HPRT1: variants seen among roughly 807,000 people sequenced by gnomAD.
HPRT1 encodes the protein hypoxanthine-guanine phosphoribosyltransferase.
In HPRT1, 4 loss-of-function variants were observed where a neutral mutation model predicts 19.0. That is an observed-to-expected ratio of 0.21 (90% CI 0.10 to 0.48). The LOEUF is 0.48. Among genes scored for constraint, HPRT1 ranks in the 20% least tolerant of loss-of-function variants. The probability of loss-of-function intolerance (pLI) is 0.98; values close to 1 mark genes in which losing one functional copy is unlikely to be tolerated. For synonymous variants in HPRT1, 53 were observed against 54.9 expected (o/e 0.97, Z 0.15); for missense variants, 65 against 164.0 (o/e 0.40, Z 3.30).
chrX:134,492,259 A>AC (rs202192605), intron 5 of HPRT1, among the ~76,000 whole-genome samples: 1,350 of 108,663 alleles, frequency 0.012, 26 homozygotes, highest in African/African-American at 0.043. Context: ...CTACGTACCC[A>AC]CAAAAGTATT....
At chrX:134,467,840 C>G (rs1430110274) in intron 1 of HPRT1, among the ~76,000 whole-genome samples, 1 of 96,317 alleles carries the variant, frequency 1.0e-5, no homozygotes, top group African/African-American at 3.9e-5. Flanking sequence ...GAGTCTCGCT[C>G]TGTCACTCAG....
chrX:134,469,626 T>C (rs2077605865), intron 1 of HPRT1, among the ~76,000 whole-genome samples: 1 of 111,928 alleles, frequency 8.9e-6, no homozygotes, highest in African/African-American at 3.2e-5. Context: ...TTTTGATAGA[T>C]GCAGTAATCG....
chrX:134,465,410 C>T (rs996495684), intron 1 of HPRT1, among the ~76,000 whole-genome samples: 9 of 110,779 alleles, frequency 8.1e-5, no homozygotes, highest in South Asian at 3.7e-4. Flanking sequence ...ACAGATGTGA[C>T]GTGCATAATT....
intron 3 of HPRT1, among the ~76,000 whole-genome samples, chrX:134,482,171 A>G (rs1460966204): frequency 9.0e-6 from 1 of 111,023 alleles, no homozygotes; most frequent in African/African-American, 3.3e-5. Context: ...CTCCCACCTC[A>G]GCCTCCCAAG....
At chrX:134,484,075 C>T (rs1327804350) in intron 3 of HPRT1, among the ~76,000 whole-genome samples, 2 of 111,767 alleles carry the variant, frequency 1.8e-5, no homozygotes, top group African/African-American at 3.3e-5. Context: ...CAGTGTCTTA[C>T]TGCTTGGAGT....
chrX:134,465,745 A>G (rs1423599022), intron 1 of HPRT1, among the ~76,000 whole-genome samples: 1 of 112,460 alleles, frequency 8.9e-6, no homozygotes, highest in Non-Finnish European at 1.9e-5. Flanking sequence ...TAAGTAACTT[A>G]GAGCTAGTAA....
intron 1 of HPRT1, among the ~76,000 whole-genome samples, chrX:134,467,041 C>CTTTTTTTTTTTTT (rs779817345): frequency 2.0e-4 from 12 of 61,004 alleles, no homozygotes; most frequent in African/African-American, 8.1e-4. Context: ...AGATTTTAAG[C>CTTTTTTTTTTTTT]TTTTTTTTTT....
intron 1 of HPRT1, among the ~76,000 whole-genome samples, chrX:134,471,618 G>A (rs2077610624): frequency 9.0e-6 from 1 of 111,172 alleles, no homozygotes; most frequent in Non-Finnish European, 1.9e-5. Context: ...GATTGGGGTA[G>A]CGGGGACAGC....
intron 1 of HPRT1, among the ~76,000 whole-genome samples, chrX:134,471,178 C>T (rs982613021): frequency 4.5e-5 from 5 of 110,155 alleles, no homozygotes; most frequent in African/African-American, 6.6e-5. Flanking sequence ...ATAAGAAAGA[C>T]CATTGAATTT....
At chrX:134,473,981 G>A (rs1032040652) in intron 2 of HPRT1, among the ~76,000 whole-genome samples, 1 of 112,144 alleles carries the variant, frequency 8.9e-6, no homozygotes, top group Non-Finnish European at 1.9e-5. Context: ...GAAGACTAAA[G>A]TTCTCTCCTT....
At chrX:134,478,510 G>A (rs2077631411) in intron 3 of HPRT1, among the ~76,000 whole-genome samples, 1 of 110,983 alleles carries the variant, frequency 9.0e-6, no homozygotes, top group African/African-American at 3.3e-5. Flanking sequence ...CTACTTGGGA[G>A]GCAGAGGCAG....
intron 1 of HPRT1, 126 bp from the exon 2 acceptor site, chrX:134,473,233 C>A: frequency 2.0e-6 from 1 of 502,023 alleles, no homozygotes; most frequent in Non-Finnish European, 3.5e-6. Context: ...ACAAAGTTAA[C>A]AGTTACTAAT....
chrX:134,499,402 C>T (rs746025978), intron 8 of HPRT1, among the ~76,000 whole-genome samples: 3 of 111,155 alleles, frequency 2.7e-5, no homozygotes, highest in Admixed American at 9.6e-5. Context: ...CACTGGAACC[C>T]GGGAGGCAGA....
intron 6 of HPRT1, among the ~76,000 whole-genome samples, chrX:134,494,965 C>T (rs192659279): frequency 4.5e-4 from 50 of 111,486 alleles, no homozygotes; most frequent in Non-Finnish European, 8.3e-4. Context: ...TTGAACCCCA[C>T]GTCAGTGCTG....
At chrX:134,483,694 C>T (rs1433535104) in intron 3 of HPRT1, among the ~76,000 whole-genome samples, 2 of 111,401 alleles carry the variant, frequency 1.8e-5, no homozygotes, top group Non-Finnish European at 3.8e-5. Flanking sequence ...TCCAGACAGC[C>T]AAGGAGGGAG....
chrX:134,478,487 C>T (rs867684954), intron 3 of HPRT1, among the ~76,000 whole-genome samples: 1 of 110,732 alleles, frequency 9.0e-6, no homozygotes, highest in Non-Finnish European at 1.9e-5. Flanking sequence ...GTGGCGTGCA[C>T]CTGTAGTCCC....
In HPRT1 at chrX:134,460,189, C is replaced by A; in HGVS notation, c.-123C>A. On this transcript the variant is annotated 5_prime_UTR_variant, in exon 1 of 9. Coordinates refer to ENST00000298556, the MANE Select transcript of HPRT1 (RefSeq NM_000194.3). Reference sequence around the variant, plus strand: ...CAGCTTCAGGCGGCTGCGACGAGCCCTCAGGCGAACCTCTCGGCTTTCCCG... The same window carrying A: ...CAGCTTCAGGCGGCTGCGACGAGCCATCAGGCGAACCTCTCGGCTTTCCCG... 2 of 763,565 alleles carry A rather than the reference C, an allele frequency of 2.6e-6. No homozygotes were observed. Among genetic ancestry groups the A allele is most frequent in the South Asian group, 2.3e-5 (1 of 43,089 alleles). The allele number at this position is 763,565 out of a possible 1,213,427, so 62.9% of individuals were successfully genotyped here. A position where few individuals can be genotyped will look rare whatever the true frequency, so the allele number is the denominator to read the frequency against.
chrX:134,466,926 T>C (rs1372230349), intron 1 of HPRT1, among the ~76,000 whole-genome samples: 1 of 111,618 alleles, frequency 9.0e-6, no homozygotes, highest in African/African-American at 3.3e-5. Context: ...TATAACTGTT[T>C]TTGGTAAATC....
chrX:134,466,437 AAAG>A (rs1312412033), intron 1 of HPRT1, among the ~76,000 whole-genome samples: 3 of 108,658 alleles, frequency 2.8e-5, no homozygotes, highest in Non-Finnish European at 5.7e-5. Flanking sequence ...AAAAAAAAAA[AAAG>A]AGACACCAGA....
Sources: allele counts gnomAD v4.1 joint callset (sites outside exome capture counted in the v4.1 genomes callset), GRCh38; gene constraint gnomAD v4.1.1; transcripts MANE v1.5; gene names NCBI Gene and HGNC (gene_info 2026-07-23, HGNC 2026-07-21).